The following TRIM42 variants were observed in gnomAD, a reference collection of about 807,000 sequenced individuals.
TRIM42 encodes tripartite motif-containing protein 42.
In TRIM42, 59 loss-of-function variants were observed where a neutral mutation model predicts 64.9. The ratio of observed to expected loss-of-function variants is 0.91; its 90% CI spans 0.74 to 1.13. The LOEUF is 1.13. Among genes scored for constraint, TRIM42 ranks in the 50% most tolerant of loss-of-function variants. The pLI is 0.00. For synonymous variants in TRIM42, 354 were observed against 346.3 expected, an observed-to-expected ratio of 1.02 and a Z score of -0.25; for missense variants, 878 against 929.5, an observed-to-expected ratio of 0.94 and a Z score of 0.72.
At chr3:140,680,709 A>G in intron 1 of TRIM42, 1 of 985,402 alleles carries the variant, frequency 1.0e-6, no homozygotes, top group Non-Finnish European at 1.2e-6. Context: ...GAGAGGAAAT[A>G]GAGGTGAGAA....
chr3:140,694,077 T>G (rs1340257596), intron 4 of TRIM42, among the ~76,000 whole-genome samples: 1 of 152,228 alleles, frequency 6.6e-6, no homozygotes, highest in African/African-American at 2.4e-5. Context: ...CCCACAGTCC[T>G]TTGTTCCCCT....
In TRIM42 at chr3:140,688,075, C is replaced by A. The variant is rs2107761155; in HGVS notation, c.1393C>A (p.Pro465Thr). The A allele has an allele frequency of 1.9e-6, 3 of 1,614,032 alleles. No individual in the cohort carries two copies. The highest frequency in any genetic ancestry group is 2.5e-6 in the Non-Finnish European group (3 of 1,179,898). Residue 465 changes from proline to threonine, a missense_variant, in exon 3 of 5, where the codon CCA (proline) becomes ACA (threonine). Coordinates refer to ENST00000286349, the MANE Select transcript of TRIM42 (RefSeq NM_152616.5). ...CATCCAGACCACCTACAGGCCTGAC[C>A]CACAGCTCCGGCTGCACTCAATAAA... ...DGIQTTYRPD[P>T]QLRLHSINYV... is the part of the protein sequence containing the mutation.
At position 140,683,160 on chromosome 3, in the gene TRIM42, G is replaced by A. The variant is rs1988460836; in HGVS notation, c.1039+1G>A. On this transcript the variant is annotated splice_donor_variant, in intron 2 of 4. Coordinates refer to ENST00000286349, the MANE Select transcript of TRIM42 (RefSeq NM_152616.5). LOFTEE classifies it high-confidence loss of function. ...AGCGCCATCGCCAAGTTCAAAGCAG[G>A]TCCTCCCCTTTTCCACTCCTTCAGC... 3.1e-6 allele frequency: 5 copies of A among 1,613,576 alleles called. No individual in the cohort carries two copies. Among genetic ancestry groups the A allele is most frequent in the Non-Finnish European group, 4.2e-6 (5 of 1,179,478 alleles).
In TRIM42 at chr3:140,682,963, C is replaced by T. The variant is rs747463987; in HGVS notation, c.843C>T (p.Ser281=). 1.2e-6 allele frequency: 2 copies of T among 1,614,204 alleles called. No homozygotes were observed. Among genetic ancestry groups the T allele is most frequent in the Non-Finnish European group, 1.7e-6 (2 of 1,180,032 alleles). The change falls in exon 2 of 5, where the codon AGC becomes AGT. Residue 281 remains serine, a synonymous_variant. Transcript: ENST00000286349. ...AAGACCACGTCTTTGTGGACACCAGCGCCGAGGAACAGGACGAGAAGATCT... is the reference window on the plus strand; with the variant it reads ...AAGACCACGTCTTTGTGGACACCAGTGCCGAGGAACAGGACGAGAAGATCT... ...AMQDHVFVDT[S]AEEQDEKICI...
intron 2 of TRIM42, among the ~76,000 whole-genome samples, chr3:140,684,592 T>C (rs1454902867): frequency 2.0e-5 from 3 of 152,212 alleles, no homozygotes. Context: ...ACCCCGGACC[T>C]CTCAGTAGCT....
chr3:140,687,361 C>T (rs6807178), intron 2 of TRIM42, among the ~76,000 whole-genome samples: 20,335 of 152,212 alleles, frequency 0.13, 1,491 homozygotes, highest in African/African-American at 0.17. Context: ...AAGCAGGCAC[C>T]AGTCATTTTG....
In TRIM42 at chr3:140,688,278, A is replaced by G. The variant is rs370263093; in HGVS notation, c.1596A>G (p.Ile532Met). The G allele has an allele frequency of 6.2e-7, 1 of 1,614,078 alleles. No individual in the cohort carries two copies. The highest frequency in any genetic ancestry group is 1.3e-5 in the African/African-American group (1 of 74,918). ...FSTHSLGNQH[I>M]YQRSSSMLSF... ...CCCACAGCCTCGGCAACCAGCACAT[A>G]TACCAGCGAAGCTCCTCCATGTTGT... The change falls in exon 3 of 5, where the codon ATA becomes ATG. Residue 532 changes from isoleucine (I) to methionine (M), a missense_variant. Coordinates refer to ENST00000286349, the MANE Select transcript of TRIM42 (RefSeq NM_152616.5).
rs1351308835 is a variant in TRIM42 at position 140,678,583 on chromosome 3, C to T, written c.341+13C>T. ...GCATCCATACCTCGTAAGTGCCAGG[C>T]ACCAGATGTGGGGCCGCATTGGGTC... On this transcript the variant is annotated intron_variant, in intron 1 of 4. Transcript: ENST00000286349. 1 of 1,604,132 alleles carries T rather than the reference C, an allele frequency of 6.2e-7. No individual in the cohort carries two copies. The highest frequency in any genetic ancestry group is 1.1e-5 in the South Asian group (1 of 90,014).
intron 1 of TRIM42, among the ~76,000 whole-genome samples, chr3:140,680,249 C>T (rs1411564143): frequency 6.6e-6 from 1 of 152,064 alleles, no homozygotes; most frequent in African/African-American, 2.4e-5. Context: ...GCTCTGGGTG[C>T]TTTTCTTCAA....
At chr3:140,687,314 T>C (rs1331631730) in intron 2 of TRIM42, among the ~76,000 whole-genome samples, 1 of 152,194 alleles carries the variant, frequency 6.6e-6, no homozygotes, top group Non-Finnish European at 1.5e-5. Flanking sequence ...TAGTTCTTCC[T>C]CTTACCACTG....
intron 4 of TRIM42, among the ~76,000 whole-genome samples, chr3:140,694,956 C>T (rs543331142): frequency 7.2e-5 from 11 of 152,254 alleles, no homozygotes; most frequent in Non-Finnish European, 1.5e-4. Flanking sequence ...TACCTGAAGA[C>T]CAGCTGGGCC....
In TRIM42 at chr3:140,688,435, C is replaced by T. The variant is rs778325086; in HGVS notation, c.1753C>T (p.Gln585Ter). ...TGCTGGAGCAGACAGCCAGTCTGTA[C>T]AGAACAGCAGCAGCTTCCACAACTG... Reference protein sequence around the residue: ...WSAGADSQSVQNSSSFHNWYS... With the variant: ...WSAGADSQSV Residue 585 changes from glutamine to a stop codon, truncating the protein, a stop_gained, in exon 3 of 5, where the codon CAG becomes TAG. Coordinates refer to ENST00000286349, the MANE Select transcript of TRIM42 (RefSeq NM_152616.5). LOFTEE classifies it high-confidence loss of function. 3.1e-6 allele frequency: 5 copies of T among 1,614,202 alleles called. No individual in the cohort carries two copies. The highest frequency in any genetic ancestry group is 8.5e-7 in the Non-Finnish European group (1 of 1,180,034).
Position 140,682,692 on chromosome 3 carries a change from G to T in TRIM42, c.572G>T (p.Cys191Phe), listed in dbSNP as rs1202220714. ...TTCTTCATCCTCATCTGCCCAGTGT[G>T]CGACCGCTCGCACTGCATGCCCTAC... is the stretch of plus-strand genomic sequence containing the variant. ...ENFFILICPV[C>F]DRSHCMPYSN... Residue 191 changes from cysteine (C) to phenylalanine (F), a missense_variant, in exon 2 of 5, where the codon TGC (cysteine) becomes TTC (phenylalanine). Transcript: ENST00000286349. 1.2e-6 allele frequency: 2 copies of T among 1,612,800 alleles called. No individual in the cohort carries two copies. Among genetic ancestry groups the T allele is most frequent in the African/African-American group, 2.7e-5 (2 of 75,036 alleles).
At chr3:140,683,675 T>A (rs1042238726) in intron 2 of TRIM42, among the ~76,000 whole-genome samples, 1 of 152,218 alleles carries the variant, frequency 6.6e-6, no homozygotes, top group African/African-American at 2.4e-5. Flanking sequence ...ATCTCAATGT[T>A]AAATTTCCCT....
In TRIM42 at chr3:140,678,284, C is replaced by T; in HGVS notation, c.55C>T (p.Pro19Ser). Residue 19 changes from proline (P) to serine (S), a missense_variant, in exon 1 of 5, where the codon CCT (proline) becomes TCT (serine). Coordinates refer to ENST00000286349, the MANE Select transcript of TRIM42 (RefSeq NM_152616.5). ...CPCCTWQRCC[P>S]QLCSCLCCKF... The stretch of plus-strand genomic sequence containing the variant: ...ATGTTGTACATGGCAGAGATGTTGT[C>T]CTCAGTTATGCTCCTGTCTGTGCTG... 6.2e-7 allele frequency: 1 copy of T among 1,614,168 alleles called. No individual in the cohort carries two copies. The highest frequency in any genetic ancestry group is 8.5e-7 in the Non-Finnish European group (1 of 1,180,026).
Position 140,682,531 on chromosome 3 carries a change from C to G in TRIM42, c.411C>G (p.Asn137Lys), listed in dbSNP as rs143388392. The part of the protein sequence containing the change: ...QVDEVKSIPA[N>K]SHLVNHLNCP... ...ATGAAGTAAAGTCAATACCAGCCAA[C>G]AGTCACCTGGTGAACCACCTCAATT... The change falls in exon 2 of 5, where the codon AAC becomes AAG. Residue 137 changes from asparagine (N) to lysine (K), a missense_variant. Physicochemically the swap from Asn to Lys is moderately conservative, Grantham distance 94. Coordinates refer to ENST00000286349, the MANE Select transcript of TRIM42 (RefSeq NM_152616.5). 1.9e-6 allele frequency: 3 copies of G among 1,614,276 alleles called. No individual in the cohort carries two copies. The highest frequency in any genetic ancestry group is 2.5e-6 in the Non-Finnish European group (3 of 1,180,054).
chr3:140,678,196 G>A lies in TRIM42; in HGVS notation c.-34G>A, dbSNP rs773507219. On this transcript the variant is annotated 5_prime_UTR_variant, in exon 1 of 5. Transcript: ENST00000286349. ...TATTCTGGTAGAGGAGGCATCAAGA[G>A]TCCTGGGAGGCCGGTGGTAATCATG... The A allele has an allele frequency of 3.2e-6, 5 of 1,580,104 alleles. No individual in the cohort carries two copies. In the South Asian group the frequency reaches 5.7e-5, roughly 18 times the overall value.
In TRIM42 at chr3:140,700,974, A is replaced by G; in HGVS notation, c.2172A>G (p.Ter724TrpextTer53). 1.2e-6 allele frequency: 2 copies of G among 1,613,918 alleles called. No individual in the cohort carries two copies. Among genetic ancestry groups the G allele is most frequent in the Non-Finnish European group, 1.7e-6 (2 of 1,179,826 alleles). ...NIQSALQKHF[*>W] ...AGTCTGCCCTCCAGAAGCACTTCTG[A>G]GCCCCTTCAGAGCAGGAAACAACCT... The change falls in exon 5 of 5, where the codon TGA (stop) becomes TGG (tryptophan). Residue 724 changes from the stop codon to tryptophan (W), a stop_lost. Transcript: ENST00000286349.
chr3:140,692,562 C>CACACACACACTCACACACACACACACAG (rs375439126), intron 4 of TRIM42, among the ~76,000 whole-genome samples: 1 of 114,118 alleles, frequency 8.8e-6, no homozygotes, highest in African/African-American at 2.9e-5. Flanking sequence ...CACACACACA[C>CACACACACACTCACACACACACACACAG]AGAGAGAGAT....
Sources: gnomAD v4.1 joint callset for allele counts (sites outside exome capture counted in the v4.1 genomes callset) on GRCh38, gnomAD v4.1.1 for gene constraint, MANE v1.5 for transcripts, NCBI Gene and HGNC (gene_info 2026-07-23, HGNC 2026-07-21) for gene names.